Variants in STAG1 observed in about 807,000 individuals in gnomAD.
The protein encoded by STAG1 is cohesin subunit SA-1.
A neutral mutation model predicts 170.9 loss-of-function variants in STAG1; 26 were observed. The observed-to-expected ratio is 0.15, with a 90% CI of 0.11 to 0.21. STAG1 has a LOEUF of 0.21. Among genes scored for constraint, STAG1 ranks in the 10% least tolerant of loss-of-function variants. The pLI, the probability that STAG1 is intolerant of heterozygous loss-of-function variation, is 1.00. For synonymous variants in STAG1, 514 were observed against 497.7 expected (o/e 1.03, Z -0.44); for missense variants, 964 against 1,509.5 (o/e 0.64, Z 5.99).
At chr3:136,644,096 A>T (rs1940902001) in intron 1 of STAG1, among the ~76,000 whole-genome samples, 1 of 152,188 alleles carries the variant, frequency 6.6e-6, no homozygotes, top group African/African-American at 2.4e-5. Flanking sequence ...CCAATAACAC[A>T]GTGTAGGCTA....
rs1379592715 is a variant in STAG1, at chr3:136,482,206, TA to T, written c.903-4795del. On this transcript the variant is annotated intron_variant, in intron 9 of 33. Coordinates refer to ENST00000383202, the MANE Select transcript of STAG1 (RefSeq NM_005862.3). ...TTTGGATCTTTCCTGCTTTCTCTTG[TA>T]GGCATTTAGTGCTATAAATTTCCCT... 3.9e-3 allele frequency among the ~76,000 whole-genome samples: 10 copies of T among 2,584 alleles called. 1 individual carries two copies. The highest frequency in any genetic ancestry group is 0.023 in the Admixed American group (4 of 174). The allele number at this position is 2,584 out of a possible 152,430, so 1.7% of individuals were successfully genotyped here. A position where few individuals can be genotyped will look rare whatever the true frequency, so the allele number is the denominator to read the frequency against.
At chr3:136,630,177 A>G (rs1576688606) in intron 2 of STAG1, among the ~76,000 whole-genome samples, 1 of 152,198 alleles carries the variant, frequency 6.6e-6, no homozygotes, top group East Asian at 1.9e-4. Context: ...CATGGGCAAC[A>G]GTGGAAAATT....
At chr3:136,490,317 C>T (rs376166564) in intron 9 of STAG1, among the ~76,000 whole-genome samples, 7 of 152,046 alleles carry the variant, frequency 4.6e-5, no homozygotes, top group African/African-American at 9.7e-5. Flanking sequence ...TGTGAGCTAC[C>T]GCACCCGACT....
intron 1 of STAG1, among the ~76,000 whole-genome samples, chr3:136,641,395 A>G (rs1940794648): frequency 6.6e-6 from 1 of 152,234 alleles, no homozygotes; most frequent in African/African-American, 2.4e-5. Context: ...GTAATGTTAT[A>G]GTGAAGAAAT....
chr3:136,737,150 T>C, intron 1 of STAG1: 1 of 784,116 alleles, frequency 1.3e-6, no homozygotes, highest in Admixed American at 1.7e-5. Context: ...CTCTCTTCTC[T>C]ATTTGTTTCA....
chr3:136,722,803 T>C (rs1264787602), intron 1 of STAG1, among the ~76,000 whole-genome samples: 1 of 152,066 alleles, frequency 6.6e-6, no homozygotes, highest in Admixed American at 6.6e-5. Context: ...CTGATTCTCC[T>C]GCCTCAGCCT....
intron 19 of STAG1, among the ~76,000 whole-genome samples, chr3:136,421,860 A>T (rs1375931836): frequency 2.0e-5 from 3 of 152,072 alleles, no homozygotes; most frequent in Non-Finnish European, 2.9e-5. Flanking sequence ...GACTTTAAAG[A>T]GATTTTTTTG....
chr3:136,609,156 A>G (rs1051898483), intron 3 of STAG1: 1 of 153,866 alleles, frequency 6.5e-6, no homozygotes, highest in African/African-American at 2.4e-5. Context: ...TGAAAAGTGG[A>G]AATGAAGTCA....
At chr3:136,631,736 A>T (rs1293676134) in intron 1 of STAG1, among the ~76,000 whole-genome samples, 1 of 152,204 alleles carries the variant, frequency 6.6e-6, no homozygotes, top group Non-Finnish European at 1.5e-5. Context: ...ATAAAGTCTC[A>T]TATTTTTCAA....
chr3:136,391,997 AATT>A (rs2087022778), intron 22 of STAG1, among the ~76,000 whole-genome samples: 1 of 152,326 alleles, frequency 6.6e-6, no homozygotes, highest in Non-Finnish European at 1.5e-5. Flanking sequence ...TGTTGAGTTA[AATT>A]ATAACTTGAA....
intron 5 of STAG1, among the ~76,000 whole-genome samples, chr3:136,568,484 T>C (rs892399618): frequency 6.6e-6 from 1 of 152,158 alleles, no homozygotes; most frequent in African/African-American, 2.4e-5. Context: ...TAAAAGCCTA[T>C]GATCTAAAAA....
At chr3:136,687,137 A>AT (rs1206466570) in intron 1 of STAG1, among the ~76,000 whole-genome samples, 1 of 152,158 alleles carries the variant, frequency 6.6e-6, no homozygotes, top group Non-Finnish European at 1.5e-5. Flanking sequence ...CCACACTGGT[A>AT]TTTTTTCTTT....
intron 5 of STAG1, among the ~76,000 whole-genome samples, chr3:136,567,610 CCA>C (rs550339290): frequency 2.0e-5 from 3 of 152,282 alleles, no homozygotes; most frequent in African/African-American, 7.2e-5. Context: ...CTTGTTATTC[CCA>C]CAGTGTCTTG....
At chr3:136,360,319 C>A (rs930047433) in intron 26 of STAG1, among the ~76,000 whole-genome samples, 6 of 152,104 alleles carry the variant, frequency 3.9e-5, no homozygotes, top group Non-Finnish European at 8.8e-5. Context: ...CTTGTGTTTA[C>A]TGCTCTCTCC....
chr3:136,406,396 T>C (rs940649700), intron 21 of STAG1, among the ~76,000 whole-genome samples: 4 of 152,132 alleles, frequency 2.6e-5, no homozygotes, highest in Non-Finnish European at 1.5e-5. Context: ...GGAGCTTCAG[T>C]TGGGGTGAGC....
intron 5 of STAG1, among the ~76,000 whole-genome samples, chr3:136,564,963 G>GAGGGAGGAAGGA (rs1936997473): frequency 2.6e-5 from 1 of 37,744 alleles, no homozygotes; most frequent in Non-Finnish European, 5.4e-5. Flanking sequence ...ACATGTGTAT[G>GAGGGAGGAAGGA]AGGAAGGAAG....
At chr3:136,544,818 G>T (rs1338871023) in intron 5 of STAG1, among the ~76,000 whole-genome samples, 1 of 151,516 alleles carries the variant, frequency 6.6e-6, no homozygotes, top group Admixed American at 6.6e-5. Context: ...TCAAATTACT[G>T]AAGTCTAAGT....
chr3:136,563,972 G>T (rs575542297), intron 5 of STAG1, among the ~76,000 whole-genome samples: 1 of 151,584 alleles, frequency 6.6e-6, no homozygotes, highest in Non-Finnish European at 1.5e-5. Flanking sequence ...GCAGTGAGCC[G>T]AGATCGCACC....
chr3:136,380,854 T>C (rs1937915928), intron 22 of STAG1, among the ~76,000 whole-genome samples: 1 of 151,476 alleles, frequency 6.6e-6, no homozygotes, highest in African/African-American at 2.4e-5. Context: ...ATCCAGTCTC[T>C]ACTAAAAATA....
Sources: gnomAD v4.1 joint callset for allele counts (sites outside exome capture counted in the v4.1 genomes callset) on GRCh38, gnomAD v4.1.1 for gene constraint, MANE v1.5 for transcripts, NCBI Gene and HGNC (gene_info 2026-07-23, HGNC 2026-07-21) for gene names.